The following TNS3 variants were observed in gnomAD, a reference collection of about 807,000 sequenced individuals.
TNS3 encodes the protein tensin 3, also known as tensin-3.
TNS3 carries 45 observed loss-of-function variants against 140.9 expected under a neutral mutation model. The ratio of observed to expected loss-of-function variants is 0.32; its 90% CI spans 0.25 to 0.41. The LOEUF (loss-of-function observed/expected upper bound fraction) is 0.41. TNS3 is among the 10% of genes least tolerant of loss of function. TNS3 has a pLI of 1.00. For missense variants in TNS3, 1,716 were observed against 1,906.7 expected (o/e 0.90, Z 1.86); for synonymous variants, 815 against 788.4 (o/e 1.03, Z -0.56).
chr7:47,465,276 G>A (rs1417791807), intron 4 of TNS3, among the ~76,000 whole-genome samples: 1 of 152,180 alleles, frequency 6.6e-6, no homozygotes, highest in Non-Finnish European at 1.5e-5. Flanking sequence ...AGATGTCAAC[G>A]GCTCAATGCC....
chr7:47,525,170 G>A (rs1178074993), intron 2 of TNS3, among the ~76,000 whole-genome samples: 2 of 152,216 alleles, frequency 1.3e-5, no homozygotes, highest in African/African-American at 2.4e-5. Flanking sequence ...TTGGGTACGT[G>A]TGGGGTCCTC....
chr7:47,492,642 A>C (rs1797857234), intron 3 of TNS3, among the ~76,000 whole-genome samples: 1 of 152,272 alleles, frequency 6.6e-6, no homozygotes, highest in Non-Finnish European at 1.5e-5. Flanking sequence ...AAGAGCACAG[A>C]AATGTTATGA....
intron 27 of TNS3, among the ~76,000 whole-genome samples, chr7:47,284,442 G>A (rs1430421142): frequency 2.0e-5 from 3 of 152,224 alleles, no homozygotes; most frequent in East Asian, 1.9e-4. Context: ...ATGCTGCCAA[G>A]GGAGAGCTGT....
chr7:47,472,379 G>A (rs1008295759), intron 4 of TNS3, among the ~76,000 whole-genome samples: 1 of 152,174 alleles, frequency 6.6e-6, no homozygotes, highest in Non-Finnish European at 1.5e-5. Flanking sequence ...CTCATAGCAC[G>A]TCGTTTCCTT....
At chr7:47,354,391 A>C (rs1198849849) in intron 17 of TNS3, among the ~76,000 whole-genome samples, 1 of 152,092 alleles carries the variant, frequency 6.6e-6, no homozygotes, top group African/African-American at 2.4e-5. Context: ...AGAAAAACCA[A>C]GGAGAAAGGG....
At chr7:47,417,227 C>G (rs1457949873) in intron 10 of TNS3, among the ~76,000 whole-genome samples, 1 of 152,264 alleles carries the variant, frequency 6.6e-6, no homozygotes, top group East Asian at 1.9e-4. Flanking sequence ...GAGGGGCAAA[C>G]AGCCATCCTC....
chr7:47,570,206 T>A (rs910658499), intron 1 of TNS3, among the ~76,000 whole-genome samples: 2 of 152,230 alleles, frequency 1.3e-5, no homozygotes, highest in African/African-American at 4.8e-5. Flanking sequence ...ACAGTGCTGG[T>A]GGCTCTGCAT....
At chr7:47,344,390 T>TA (rs112712097) in intron 20 of TNS3, among the ~76,000 whole-genome samples, 72,418 of 151,914 alleles carry the variant, frequency 0.48, 17,826 homozygotes, top group Middle Eastern at 0.59. Context: ...GTGGCAGAGC[T>TA]GGGGCGCCCG....
intron 17 of TNS3, among the ~76,000 whole-genome samples, chr7:47,361,636 A>G (rs1790342633): frequency 6.6e-6 from 1 of 152,214 alleles, no homozygotes; most frequent in South Asian, 2.1e-4. Context: ...GTTGGGGTTT[A>G]GCACACAATT....
At position 47,368,787 on chromosome 7, in the gene TNS3, G is replaced by A. The variant is rs780270046; in HGVS notation, c.1859C>T (p.Pro620Leu). 9 of 1,604,184 alleles carry A rather than the reference G, an allele frequency of 5.6e-6. No individual in the cohort carries two copies. The African/African-American group carries it at 1.1e-4, about 19-fold the overall frequency. Residue 620 changes from proline to leucine, a missense_variant, in exon 17 of 31, where the codon CCT becomes CTT. Coordinates refer to ENST00000311160, the MANE Select transcript of TNS3 (RefSeq NM_022748.12). ...TCTGGGCTGGGCCTGGACGAGGCCA[G>A]GATTGTCTGCAGGGCAGCGGCTCAC... ...RLVSRCPADN[P>L]GLVQAQPRVP...
chr7:47,573,952 A>T (rs914959376), intron 1 of TNS3, among the ~76,000 whole-genome samples: 3 of 152,038 alleles, frequency 2.0e-5, no homozygotes, highest in Non-Finnish European at 4.4e-5. Context: ...TGGGGAAGGC[A>T]TTATGGGGAG....
intron 3 of TNS3, among the ~76,000 whole-genome samples, chr7:47,488,556 C>G (rs1797694380): frequency 6.6e-6 from 1 of 152,180 alleles, no homozygotes; most frequent in Admixed American, 6.5e-5. Flanking sequence ...CTAAGGACAC[C>G]AGTCATACTG....
chr7:47,453,880 G>A (rs1232957702), intron 4 of TNS3, among the ~76,000 whole-genome samples: 1 of 152,232 alleles, frequency 6.6e-6, no homozygotes, highest in East Asian at 1.9e-4. Context: ...GTCCTCAGCT[G>A]TTAGACTCAC....
intron 2 of TNS3, among the ~76,000 whole-genome samples, chr7:47,513,781 T>A (rs1798685857): frequency 6.6e-6 from 1 of 152,240 alleles, no homozygotes; most frequent in Non-Finnish European, 1.5e-5. Flanking sequence ...GCGTCTGAGC[T>A]GGTGTGTGGC....
chr7:47,351,113 C>T (rs1789643942), intron 17 of TNS3, among the ~76,000 whole-genome samples: 1 of 152,184 alleles, frequency 6.6e-6, no homozygotes, highest in Non-Finnish European at 1.5e-5. Flanking sequence ...AGATTACCTT[C>T]GAGAGGAACA....
intron 1 of TNS3, among the ~76,000 whole-genome samples, chr7:47,578,177 G>A (rs1233055048): frequency 3.3e-5 from 5 of 152,048 alleles, no homozygotes; most frequent in Non-Finnish European, 7.3e-5. Context: ...GCTGGGCATG[G>A]TGGTATGCGC....
chr7:47,569,527 G>C (rs371698879), intron 1 of TNS3, among the ~76,000 whole-genome samples: 1 of 151,170 alleles, frequency 6.6e-6, no homozygotes, highest in Non-Finnish European at 1.5e-5. Context: ...CTGGGCAACA[G>C]AGTGAGATTC....
intron 17 of TNS3, among the ~76,000 whole-genome samples, chr7:47,358,432 T>G (rs1039974062): frequency 1.1e-4 from 17 of 152,320 alleles, no homozygotes; most frequent in African/African-American, 3.8e-4. Context: ...CCACCGCGCC[T>G]GGCCAACATT....
intron 2 of TNS3, among the ~76,000 whole-genome samples, chr7:47,511,340 T>A (rs1346497424): frequency 3.3e-5 from 5 of 152,124 alleles, no homozygotes; most frequent in Non-Finnish European, 1.5e-5. Context: ...GTAACCAGCC[T>A]CTTGATTAAG....
Sources: allele counts gnomAD v4.1 joint callset (sites outside exome capture counted in the v4.1 genomes callset), GRCh38; gene constraint gnomAD v4.1.1; transcripts MANE v1.5; gene names NCBI Gene and HGNC (gene_info 2026-07-23, HGNC 2026-07-21).